The following SUCLA2 variants were observed in gnomAD, a reference collection of about 807,000 sequenced individuals.
SUCLA2 encodes succinate-CoA ligase ADP-forming subunit beta.
Under a neutral mutation model 54.8 loss-of-function variants are expected in SUCLA2, and 30 were observed. The observed-to-expected ratio is 0.55, with a 90% confidence interval of 0.41 to 0.74. SUCLA2 has a LOEUF of 0.74. SUCLA2 is among the 30% of genes least tolerant of loss of function. The pLI, the probability that SUCLA2 is intolerant of heterozygous loss-of-function variation, is 0.00. For missense variants in SUCLA2, 476 were observed against 562.9 expected, an observed-to-expected ratio of 0.85 and a Z score of 1.56; for synonymous variants, 172 against 188.9, an observed-to-expected ratio of 0.91 and a Z score of 0.74.
intron 2 of SUCLA2, among the ~76,000 whole-genome samples, 167 bp downstream of exon 2, chr13:47,996,676 A>AATC (rs911488641): frequency 1.2e-4 from 18 of 151,940 alleles, no homozygotes; most frequent in Admixed American, 4.6e-4. Flanking sequence ...TAATAATAAT[A>AATC]ATAATTTTAG....
intron 4 of SUCLA2, among the ~76,000 whole-genome samples, chr13:47,975,413 A>T (rs1950003907): frequency 6.6e-6 from 1 of 151,870 alleles, no homozygotes; most frequent in African/African-American, 2.4e-5. Flanking sequence ...CACCTCCCAA[A>T]GTGCTGGGAT....
At chr13:47,983,584 G>A (rs999822528) in intron 4 of SUCLA2, among the ~76,000 whole-genome samples, 1 of 151,122 alleles carries the variant, frequency 6.6e-6, no homozygotes, top group African/African-American at 2.4e-5. Context: ...CCGCCTCCCG[G>A]GTTCACGCCA....
At chr13:47,989,018 G>C (rs1950129174) in intron 2 of SUCLA2, 37 bp from the exon 3 acceptor site, 2 of 1,562,784 alleles carry the variant, frequency 1.3e-6, no homozygotes, top group African/African-American at 1.4e-5. Flanking sequence ...ATGAAGCATG[G>C]AGCAGCATGC....
At position 47,943,422 on chromosome 13, in the gene SUCLA2, C is replaced by A; in HGVS notation, c.1341G>T (p.Val447=). The change falls in exon 11 of 11, where the codon GTG becomes GTT. Residue 447 remains valine, a synonymous_variant. Coordinates refer to ENST00000646932, the MANE Select transcript of SUCLA2 (RefSeq NM_003850.3). ...ARMVVKLSEI[V]TLAKQAHVDV... ...CCACATGTGCTTGCTTCGCTAAGGT[C>A]ACTATTTCAGAGAGCTTTACAACCT... 1 of 1,613,848 alleles carries A rather than the reference C, an allele frequency of 6.2e-7. No homozygotes were observed. The highest frequency in any genetic ancestry group is 1.1e-5 in the South Asian group (1 of 91,050).
rs890720072 is a variant in SUCLA2, at chr13:47,943,039, C to T, written c.*332G>A. The T allele has an allele frequency of 2.0e-5, 6 of 294,062 alleles. No homozygotes were observed. Among genetic ancestry groups the T allele is most frequent in the South Asian group, 3.8e-5 (1 of 26,128 alleles). The allele number at this position is 294,062 out of a possible 1,614,324, so 18.2% of individuals were successfully genotyped here. A position where few individuals can be genotyped will look rare whatever the true frequency, so the allele number is the denominator to read the frequency against. On this transcript the variant is annotated 3_prime_UTR_variant, in exon 11 of 11. Transcript: ENST00000646932. ...ACACTAAAGAATAAAGCTTTATCTT[C>T]GTATTTATCTTATTTATAGGACTCT...
intron 4 of SUCLA2, among the ~76,000 whole-genome samples, chr13:47,983,497 T>A (rs1267473711): frequency 1.3e-5 from 2 of 150,896 alleles, no homozygotes; most frequent in Non-Finnish European, 3.0e-5. Flanking sequence ...CCCTTTTTTT[T>A]TTTTTTTTTT....
intron 4 of SUCLA2, among the ~76,000 whole-genome samples, chr13:47,974,899 T>C (rs1292579846): frequency 1.3e-5 from 2 of 152,160 alleles, no homozygotes; most frequent in African/African-American, 4.8e-5. Flanking sequence ...GTGTTACGTA[T>C]GAAAAAAATG....
chr13:47,958,118 GTA>G (rs1215716674), intron 6 of SUCLA2, among the ~76,000 whole-genome samples: 1 of 152,210 alleles, frequency 6.6e-6, no homozygotes, highest in Non-Finnish European at 1.5e-5. Context: ...AGCCTGGTTA[GTA>G]TGTGATGTTC....
In SUCLA2 at chr13:47,946,999, A is replaced by G. The variant is rs187552661; in HGVS notation, c.1317+1941T>C. Among the ~76,000 whole-genome samples the G allele has an allele frequency of 5.0e-4, 76 of 152,330 alleles. 1 individual carries two copies. The highest frequency in any genetic ancestry group is 7.8e-4 in the Non-Finnish European group (53 of 68,016). ...ATCAACCCAGTATCTATGAATACTC[A>G]TAAGGCCAAATTGTGCTCTCTAAAT... On this transcript the variant is annotated intron_variant, in intron 10 of 10. Coordinates refer to ENST00000646932, the MANE Select transcript of SUCLA2 (RefSeq NM_003850.3).
At chr13:47,960,425 AAAT>A (rs1386685361) in intron 6 of SUCLA2, among the ~76,000 whole-genome samples, 1 of 152,154 alleles carries the variant, frequency 6.6e-6, no homozygotes, top group Non-Finnish European at 1.5e-5. Flanking sequence ...ACACACACAA[AAAT>A]AATAATAAAA....
chr13:47,991,658 T>G (rs1950149954), intron 2 of SUCLA2: 1 of 151,926 alleles, frequency 6.6e-6, no homozygotes, highest in African/African-American at 2.4e-5. Context: ...TCTGGGAGAG[T>G]TCCTAGCACA....
At chr13:47,995,313 C>CACTA (rs1555260077) in intron 2 of SUCLA2, among the ~76,000 whole-genome samples, 1 of 152,038 alleles carries the variant, frequency 6.6e-6, no homozygotes, top group African/African-American at 2.4e-5. Flanking sequence ...TATAGGTCAC[C>CACTA]ATTAACAAAA....
At chr13:47,995,217 T>C (rs1950181844) in intron 2 of SUCLA2, among the ~76,000 whole-genome samples, 2 of 152,084 alleles carry the variant, frequency 1.3e-5, no homozygotes, top group African/African-American at 4.8e-5. Flanking sequence ...AATTTTAAAA[T>C]CTGGAAACAA....
chr13:47,969,765 T>C (rs9562791), intron 5 of SUCLA2, among the ~76,000 whole-genome samples: 12,881 of 152,228 alleles, frequency 0.085, 729 homozygotes, highest in South Asian at 0.18. Context: ...GAAGAAGATA[T>C]TTGCAAAGAG....
intron 1 of SUCLA2, chr13:48,000,861 G>T: frequency 8.5e-7 from 1 of 1,182,840 alleles, no homozygotes; most frequent in African/African-American, 1.6e-5. Context: ...ACGCCGGAAT[G>T]GCAGCAGAAA....
At chr13:47,947,847 C>T (rs1182656626) in intron 10 of SUCLA2, among the ~76,000 whole-genome samples, 3 of 152,102 alleles carry the variant, frequency 2.0e-5, no homozygotes, top group Non-Finnish European at 4.4e-5. Context: ...AGACCATCAA[C>T]CTGGATTTTT....
At chr13:47,976,439 G>A (rs1566088387) in intron 4 of SUCLA2, among the ~76,000 whole-genome samples, 1 of 152,132 alleles carries the variant, frequency 6.6e-6, no homozygotes, top group African/African-American at 2.4e-5. Context: ...GAGAAGAGTA[G>A]AACACATGTT....
At chr13:47,949,416 C>A in intron 9 of SUCLA2, 67 bp downstream of exon 9, 1 of 1,569,038 alleles carries the variant, frequency 6.4e-7, no homozygotes. Flanking sequence ...TTTTAACAAA[C>A]TGAACTCCAT....
rs533482861 is a variant in SUCLA2, at chr13:47,944,273, T to G, written c.1318-828A>C. On this transcript the variant is annotated intron_variant, in intron 10 of 10. Transcript: ENST00000646932. Reference sequence around the variant, plus strand: ...ATCCTTGAAGAAAACAGCTTAGCATTGCATGCACAGTAAACACTCAATAAA... The same window carrying G: ...ATCCTTGAAGAAAACAGCTTAGCATGGCATGCACAGTAAACACTCAATAAA... Among the ~76,000 whole-genome samples, 16 of 152,300 alleles carry G rather than the reference T, an allele frequency of 1.1e-4. No individual in the cohort carries two copies. The South Asian group carries it at 2.7e-3, about 26-fold the overall frequency.
Sources: gnomAD v4.1 joint callset for allele counts (sites outside exome capture counted in the v4.1 genomes callset) on GRCh38, gnomAD v4.1.1 for gene constraint, MANE v1.5 for transcripts, NCBI Gene and HGNC (gene_info 2026-07-23, HGNC 2026-07-21) for gene names.